XIRP2: variants seen among roughly 807,000 people sequenced by gnomAD.
XIRP2 encodes the protein xin actin-binding repeat-containing protein 2.
XIRP2 carries 236 observed loss-of-function variants against 277.0 expected under a neutral mutation model. The observed-to-expected ratio is 0.85, with a 90% CI of 0.77 to 0.95. The LOEUF (loss-of-function observed/expected upper bound fraction) is 0.95. Ranked by LOEUF, XIRP2 falls within the 40% of genes least tolerant of loss-of-function variation. The pLI is 0.00. For missense variants in XIRP2, 4,640 were observed against 4,157.5 expected, an observed-to-expected ratio of 1.12 and a Z score of -3.19; for synonymous variants, 1,490 against 1,416.5, an observed-to-expected ratio of 1.05 and a Z score of -1.17.
At chr2:166,911,132 C>T (rs1163266395) in intron 2 of XIRP2, among the ~76,000 whole-genome samples, 1 of 152,188 alleles carries the variant, frequency 6.6e-6, no homozygotes, top group Non-Finnish European at 1.5e-5. Flanking sequence ...ATTAGGTCCG[C>T]TTGTTACAGA....
intron 1 of XIRP2, among the ~76,000 whole-genome samples, chr2:166,893,066 T>C (rs1048874445): frequency 6.6e-6 from 1 of 151,666 alleles, no homozygotes; most frequent in Non-Finnish European, 1.5e-5. Flanking sequence ...GGTTTGCGTG[T>C]GCTGTAATTT....
At chr2:167,097,283 C>T (rs1368540087) in intron 2 of XIRP2, among the ~76,000 whole-genome samples, 1 of 152,142 alleles carries the variant, frequency 6.6e-6, no homozygotes, top group African/African-American at 2.4e-5. Flanking sequence ...CCATTGATCC[C>T]TTTACCATTA....
Position 166,903,618 on chromosome 2 carries a change from C to T in XIRP2, c.136C>T (p.Pro46Ser). 1.9e-6 allele frequency: 3 copies of T among 1,613,528 alleles called. No individual in the cohort carries two copies. Among genetic ancestry groups the T allele is most frequent in the East Asian group, 4.5e-5 (2 of 44,832 alleles). The change falls in exon 2 of 11, where the codon CCT (proline) becomes TCT (serine). Residue 46 changes from proline (P) to serine (S), a missense_variant. Coordinates refer to ENST00000409195, the MANE Select transcript of XIRP2 (RefSeq NM_152381.6). The part of the protein sequence containing the change: ...FQPQESKLLA[P>S]EGEVVSAPQS... ...GCCTCAGGAAAGCAAATTGCTTGCG[C>T]CTGAAGGAGAGGTAGTATCAGCACC...
intron 2 of XIRP2, among the ~76,000 whole-genome samples, chr2:166,924,971 A>T (rs1685144811): frequency 6.6e-6 from 1 of 152,092 alleles, no homozygotes; most frequent in Non-Finnish European, 1.5e-5. Context: ...TATTATTAAG[A>T]ATTGCTACAG....
chr2:166,891,516 T>C (rs914005110), intron 1 of XIRP2, among the ~76,000 whole-genome samples: 3 of 152,202 alleles, frequency 2.0e-5, no homozygotes, highest in African/African-American at 7.2e-5. Context: ...TTCCTTAATA[T>C]TGAAAATGCC....
Position 167,250,001 on chromosome 2 carries a change from A to G in XIRP2, c.8609A>G (p.Gln2870Arg), listed in dbSNP as rs1274030107. 6.2e-7 allele frequency: 1 copy of G among 1,613,560 alleles called. No homozygotes were observed. Among genetic ancestry groups the G allele is most frequent in the African/African-American group, 1.3e-5 (1 of 74,882 alleles). The change falls in exon 9 of 11, where the codon CAG becomes CGG. Residue 2870 changes from glutamine (Q) to arginine (R), a missense_variant. Transcript: ENST00000409195. The stretch of plus-strand genomic sequence containing the variant: ...CTTGATTCACAGACTCAGAATTTTC[A>G]GCAAACACAAATACAGACCGCTGAA... ...AHLDSQTQNFQQTQIQTAESK... is the reference protein window; with the variant it reads ...AHLDSQTQNFRQTQIQTAESK...
intron 2 of XIRP2, among the ~76,000 whole-genome samples, chr2:167,022,170 T>A (rs1170275132): frequency 6.6e-6 from 1 of 152,118 alleles, no homozygotes; most frequent in African/African-American, 2.4e-5. Context: ...AGGAAGAATA[T>A]CTTTACAAAC....
At chr2:166,943,827 T>C (rs1207766988) in intron 2 of XIRP2, among the ~76,000 whole-genome samples, 1 of 152,242 alleles carries the variant, frequency 6.6e-6, no homozygotes, top group Non-Finnish European at 1.5e-5. Flanking sequence ...TAGATGTAAT[T>C]TTTAGCCTAG....
chr2:167,240,759 T>C lies in XIRP2; in HGVS notation c.1042+23T>C, dbSNP rs193291240. 5.2e-4 allele frequency: 822 copies of C among 1,589,152 alleles called. 6 individuals are homozygous for C. The African/African-American group carries it at 9.6e-3, about 19-fold the overall frequency. ...CTGGTAAGAGTCTGGTATTATTGGTTCCAATACTCCTTTCTCCTATTGATG... is the reference window on the plus strand; with the variant it reads ...CTGGTAAGAGTCTGGTATTATTGGTCCCAATACTCCTTTCTCCTATTGATG... On this transcript the variant is annotated intron_variant, in intron 7 of 10. Transcript: ENST00000409195.
At chr2:167,095,999 A>C (rs2105280843) in intron 2 of XIRP2, among the ~76,000 whole-genome samples, 1 of 149,636 alleles carries the variant, frequency 6.7e-6, no homozygotes, top group South Asian at 2.1e-4. Context: ...TCTGCCTCCC[A>C]AGTAGCTGGG....
At chr2:167,116,527 T>C (rs542153671) in intron 2 of XIRP2, among the ~76,000 whole-genome samples, 2 of 152,204 alleles carry the variant, frequency 1.3e-5, no homozygotes, top group Non-Finnish European at 2.9e-5. Context: ...ACCTATGTTA[T>C]TATGTTTGCA....
At chr2:166,891,224 C>T (rs1470237836) in intron 1 of XIRP2, among the ~76,000 whole-genome samples, 1 of 152,136 alleles carries the variant, frequency 6.6e-6, no homozygotes, top group East Asian at 1.9e-4. Context: ...AAATATACAA[C>T]TTCATAAATT....
In XIRP2 at chr2:167,123,111, G is replaced by T. The variant is rs544518637; in HGVS notation, c.409-12798G>T. Among the ~76,000 whole-genome samples, 38 of 152,294 alleles carry T rather than the reference G, an allele frequency of 2.5e-4. 2 individuals are homozygous for T. The South Asian group carries it at 5.8e-3, about 23-fold the overall frequency. On this transcript the variant is annotated intron_variant, in intron 2 of 10. Coordinates refer to ENST00000409195, the MANE Select transcript of XIRP2 (RefSeq NM_152381.6). Reference sequence around the variant, plus strand: ...CATTTTGATCGGGGATTATAAAATAGCTGTGAAAATGTTTGCCTGTGGCTT... The same window carrying T: ...CATTTTGATCGGGGATTATAAAATATCTGTGAAAATGTTTGCCTGTGGCTT...
At position 167,242,724 on chromosome 2, in the gene XIRP2, T is replaced by C. The variant is rs1269966978; in HGVS notation, c.1332T>C (p.Thr444=). ...TSSTLAQINA[T]SSGMTEEFPP... is the part of the protein sequence containing the mutation. ...CAACTCTGGCACAAATTAATGCTAC[T>C]TCTTCAGGAATGACAGAAGAATTTC... Residue 444 remains threonine (T), a synonymous_variant, in exon 9 of 11, where the codon ACT becomes ACC. Coordinates refer to ENST00000409195, the MANE Select transcript of XIRP2 (RefSeq NM_152381.6). 2 of 1,614,128 alleles carry C rather than the reference T, an allele frequency of 1.2e-6. No individual in the cohort carries two copies. The highest frequency in any genetic ancestry group is 1.3e-5 in the African/African-American group (1 of 75,042).
In XIRP2 at chr2:167,259,049, T is replaced by G. The variant is rs1695759615; in HGVS notation, c.*1232T>G. The G allele has an allele frequency of 1.2e-6, 2 of 1,610,538 alleles. No individual in the cohort carries two copies. Among genetic ancestry groups the G allele is most frequent in the Non-Finnish European group, 1.7e-6 (2 of 1,177,706 alleles). On this transcript the variant is annotated 3_prime_UTR_variant, in exon 11 of 11. Coordinates refer to ENST00000409195, the MANE Select transcript of XIRP2 (RefSeq NM_152381.6). ...CCATTCAAAGAGCAAAAATTTACAC[T>G]TTTTCTTTTCTAACACCGTGAAAAT... is the stretch of plus-strand genomic sequence containing the variant.
chr2:167,150,163 G>A (rs1213755950), intron 3 of XIRP2, among the ~76,000 whole-genome samples: 1 of 151,762 alleles, frequency 6.6e-6, no homozygotes. Flanking sequence ...AAAAAAATCG[G>A]TAGCACTACT....
chr2:167,214,044 C>T (rs1483778344), intron 4 of XIRP2, among the ~76,000 whole-genome samples: 5 of 143,006 alleles, frequency 3.5e-5, no homozygotes, highest in Non-Finnish European at 7.5e-5. Context: ...CATGATGAAA[C>T]TCCATGTCTA....
At chr2:167,220,666 T>C (rs1694395697) in intron 5 of XIRP2, among the ~76,000 whole-genome samples, 1 of 152,180 alleles carries the variant, frequency 6.6e-6, no homozygotes, top group African/African-American at 2.4e-5. Flanking sequence ...GAAAAAGGCT[T>C]ATAGCATCTT....
At chr2:167,135,275 T>C (rs1691511864) in intron 2 of XIRP2, among the ~76,000 whole-genome samples, 3 of 152,294 alleles carry the variant, frequency 2.0e-5, no homozygotes, top group South Asian at 2.1e-4. Flanking sequence ...ATATTCCTTA[T>C]TGGCCTATAC....
Sources: allele counts gnomAD v4.1 joint callset (sites outside exome capture counted in the v4.1 genomes callset), GRCh38; gene constraint gnomAD v4.1.1; transcripts MANE v1.5; gene names NCBI Gene and HGNC (gene_info 2026-07-23, HGNC 2026-07-21).